Variants in TTN observed in about 807,000 individuals in gnomAD.
TTN encodes the protein connectin.
In TTN, 1,525 loss-of-function variants were observed where a neutral mutation model predicts 3,223.0. That is an observed-to-expected ratio of 0.47 (90% CI 0.45 to 0.49). The LOEUF is 0.49. Among genes scored for constraint, TTN ranks in the 20% least tolerant of loss-of-function variants. The probability of loss-of-function intolerance (pLI) is 0.00; values close to 1 mark genes in which losing one functional copy is unlikely to be tolerated. For missense variants in TTN, 40,786 were observed against 43,424.0 expected (o/e 0.94, Z 5.40); for synonymous variants, 14,094 against 15,161.0 (o/e 0.93, Z 5.17).
rs1561421551 is a variant in TTN, at chr2:178,789,411, A to G, written c.2025T>C (p.Thr675=). Residue 675 remains threonine (T), a synonymous_variant, in exon 13 of 363, where the codon ACT becomes ACC. Transcript: ENST00000589042. The stretch of plus-strand genomic sequence containing the variant: ...CTTGTCTAGTAGCCATAGTTTCTCT[A>G]GTTCTCAGTATTGTTTCTTGTTCTT... ...KAKEQETILR[T]RETMATRQEQ... is the part of the protein sequence containing the mutation. 1 of 1,613,542 alleles carries G rather than the reference A, an allele frequency of 6.2e-7. No individual in the cohort carries two copies. Among genetic ancestry groups the G allele is most frequent in the Non-Finnish European group, 8.5e-7 (1 of 1,179,572 alleles).
rs771621337 is a variant in TTN, at chr2:178,549,398, G to C, written c.92228C>G (p.Pro30743Arg). ...GNSITLTWAR[P>R]ESDGGSEIQQ... is the part of the protein sequence containing the mutation. ...AATTTCACTGCCACCATCTGATTCT[G>C]GCCTTGCCCATGTCAGGGTAATGCT... is the stretch of plus-strand genomic sequence containing the variant. Residue 30743 changes from proline (P) to arginine (R), a missense_variant, in exon 339 of 363, where the codon CCA becomes CGA. Physicochemically the swap from Pro to Arg is moderately radical, Grantham distance 103. Transcript: ENST00000589042. The C allele has an allele frequency of 1.2e-6, 2 of 1,613,658 alleles. No individual in the cohort carries two copies. Among genetic ancestry groups the C allele is most frequent in the Middle Eastern group, 1.7e-4 (1 of 6,058 alleles).
rs762907912 is a variant in TTN, at chr2:178,739,218, T to C, written c.14015A>G (p.Gln4672Arg). ...VIDKVNTEDH[Q>R]GEYVCEALND... ...CAAGGCCTCACAGACATACTCTCCTTGATGGTCTTCGGTATTTACTTTGTC... is the reference window on the plus strand; with the variant it reads ...CAAGGCCTCACAGACATACTCTCCTCGATGGTCTTCGGTATTTACTTTGTC... The change falls in exon 48 of 363, where the codon CAA (glutamine) becomes CGA (arginine). Residue 4672 changes from glutamine to arginine, a missense_variant. Coordinates refer to ENST00000589042, the MANE Select transcript of TTN (RefSeq NM_001267550.2). 3 of 1,572,182 alleles carry C rather than the reference T, an allele frequency of 1.9e-6. No individual in the cohort carries two copies. The highest frequency in any genetic ancestry group is 2.6e-6 in the Non-Finnish European group (3 of 1,156,278).
rs2056373790 is a variant in TTN at position 178,611,761 on chromosome 2, T to C, written c.50548A>G (p.Thr16850Ala). ...GTGTATAATCAGCACTACTTACTTG[T>C]TGGATCTTCAATGGATAGGATTTCT... ...PTEILSIEDP[T>A]SPPSPPLDLH... is the part of the protein sequence containing the mutation. Residue 16850 changes from threonine (T) to alanine (A), a missense_variant, in exon 268 of 363, where the codon ACA becomes GCA. Coordinates refer to ENST00000589042, the MANE Select transcript of TTN (RefSeq NM_001267550.2). The C allele has an allele frequency of 6.2e-7, 1 of 1,611,636 alleles. No homozygotes were observed. Among genetic ancestry groups the C allele is most frequent in the Non-Finnish European group, 8.5e-7 (1 of 1,178,806 alleles).
intron 330 of TTN, chr2:178,555,832 T>G (rs905565469): frequency 2.0e-5 from 3 of 152,292 alleles, no homozygotes; most frequent in Non-Finnish European, 2.9e-5. Context: ...ATCTTTTAGG[T>G]AAAGTGTCAC....
chr2:178,714,353 G>A lies in TTN; in HGVS notation c.26421C>T (p.Tyr8807=). The part of the protein sequence containing the change: ...SRVEPANAGK[Y]TCQIKNDAGM... ...CAGCATCGTTTTTGATCTGACAAGT[G>A]TATTTTCCAGCATTGGCTGGTTCCA... Residue 8807 remains tyrosine (Y), a synonymous_variant, in exon 91 of 363, where the codon TAC becomes TAT. Coordinates refer to ENST00000589042, the MANE Select transcript of TTN (RefSeq NM_001267550.2). 1.2e-6 allele frequency: 2 copies of A among 1,613,786 alleles called. No individual in the cohort carries two copies. The highest frequency in any genetic ancestry group is 1.7e-6 in the Non-Finnish European group (2 of 1,179,746).
chr2:178,622,556 G>A (rs1044829749), intron 243 of TTN, 114 bp downstream of exon 243: 42 of 745,166 alleles, frequency 5.6e-5, no homozygotes, highest in Non-Finnish European at 8.7e-5. Context: ...ATCTTTAAAA[G>A]TAAAGTGGTG....
Position 178,566,661 on chromosome 2 carries a change from G to T in TTN, c.79471C>A (p.Pro26491Thr). 1 of 1,613,048 alleles carries T rather than the reference G, an allele frequency of 6.2e-7. No homozygotes were observed. The change falls in exon 326 of 363, where the codon CCT becomes ACT. Residue 26491 changes from proline to threonine, a missense_variant. Physicochemically the swap from Pro to Thr is conservative, Grantham distance 38 (BLOSUM62 -1). Coordinates refer to ENST00000589042, the MANE Select transcript of TTN (RefSeq NM_001267550.2). ...ACDPVFKPGP[P>T]TNAHIVDTTK... ...GTGTCTACAATGTGTGCATTGGTAGGTGGGCCAGGTTTGAACACAGGATCA... is the reference window on the plus strand; with the variant it reads ...GTGTCTACAATGTGTGCATTGGTAGTTGGGCCAGGTTTGAACACAGGATCA...
intron 47 of TTN, chr2:178,744,741 T>C: frequency 1.0e-6 from 1 of 984,812 alleles, no homozygotes; most frequent in Non-Finnish European, 1.2e-6. Context: ...TTAAAATCTA[T>C]ATGTAAACAC....
chr2:178,718,381 C>T lies in TTN; in HGVS notation c.24725G>A (p.Ser8242Asn). ...ACCAGCCTCATTTTCTATCAGGCAG[C>T]TGTACTGTGCATAATCCTCTATTGT... is the stretch of plus-strand genomic sequence containing the variant. ...ESTIEDYAQY[S>N]CLIENEAGQD... is the part of the protein sequence containing the mutation. Residue 8242 changes from serine to asparagine, a missense_variant, in exon 85 of 363, where the codon AGC becomes AAC. Physicochemically the swap from Ser to Asn is conservative, Grantham distance 46 (BLOSUM62 1). Coordinates refer to ENST00000589042, the MANE Select transcript of TTN (RefSeq NM_001267550.2). The T allele has an allele frequency of 6.2e-7, 1 of 1,613,786 alleles. No homozygotes were observed. Among genetic ancestry groups the T allele is most frequent in the African/African-American group, 1.3e-5 (1 of 75,038 alleles).
chr2:178,735,051 A>G (rs749081796), intron 50 of TTN, 63 bp from the exon 51 acceptor site: 400 of 1,457,002 alleles, frequency 2.7e-4, no homozygotes, highest in Non-Finnish European at 3.5e-4. Flanking sequence ...CCGCAAAAGA[A>G]AAGTAGACAT....
In TTN at chr2:178,532,551, C is replaced by T; in HGVS notation, c.104064G>A (p.Glu34688=). 1 of 1,613,966 alleles carries T rather than the reference C, an allele frequency of 6.2e-7. No homozygotes were observed. Among genetic ancestry groups the T allele is most frequent in the Non-Finnish European group, 8.5e-7 (1 of 1,179,876 alleles). The change falls in exon 358 of 363, where the codon GAG becomes GAA. Residue 34688 remains glutamate, a synonymous_variant. Transcript: ENST00000589042. ...TTGGGGGTGAAGCTGAAAAACCTAA[C>T]TCAAGCTCTTCTTCAAGACGCAGCC... is the stretch of plus-strand genomic sequence containing the variant. ...EERLRLEEEL[E]LGFSASPPSR...
rs752508699 is a variant in TTN at position 178,607,413 on chromosome 2, C to A, written c.53275G>T (p.Val17759Leu). The A allele has an allele frequency of 6.2e-7, 1 of 1,613,102 alleles. No individual in the cohort carries two copies. Among genetic ancestry groups the A allele is most frequent in the South Asian group, 1.1e-5 (1 of 91,064 alleles). The stretch of plus-strand genomic sequence containing the variant: ...CAACATTCCTTACCAAAAACTTCTA[C>A]CCTGGCTGCTGCAAATTTGGAACCA... ...SCGSKFAAAR[V>L]EVFDVPGPVL... is the part of the protein sequence containing the mutation. The change falls in exon 277 of 363, where the codon GTA (valine) becomes TTA (leucine). Residue 17759 changes from valine (V) to leucine (L), a missense_variant. Transcript: ENST00000589042.
In TTN at chr2:178,775,983, C is replaced by A; in HGVS notation, c.5881G>T (p.Val1961Leu). The change falls in exon 28 of 363, where the codon GTA (valine) becomes TTA (leucine). Residue 1961 changes from valine (V) to leucine (L), a missense_variant. Coordinates refer to ENST00000589042, the MANE Select transcript of TTN (RefSeq NM_001267550.2). Reference protein sequence around the residue: ...VHEPGKLQFEVQKVDRPVDTT... With the variant: ...VHEPGKLQFELQKVDRPVDTT... Reference sequence around the variant, plus strand: ...TCAACAGGTCTATCCACTTTTTGTACTTCAAACTGAAGCTTTCCTGGTTCA... The same window carrying A: ...TCAACAGGTCTATCCACTTTTTGTAATTCAAACTGAAGCTTTCCTGGTTCA... 6.2e-7 allele frequency: 1 copy of A among 1,614,148 alleles called. No homozygotes were observed. The highest frequency in any genetic ancestry group is 1.1e-5 in the South Asian group (1 of 91,076).
chr2:178,688,048 AT>A, intron 127 of TTN, 62 bp downstream of exon 127: 1 of 1,388,842 alleles, frequency 7.2e-7, no homozygotes, highest in Non-Finnish European at 1.0e-6. Context: ...TCTGTAGACA[AT>A]TTGTGAAAGA....
At chr2:178,583,950 A>G in intron 311 of TTN, 44 bp from the exon 312 acceptor site, 1 of 1,456,454 alleles carries the variant, frequency 6.9e-7, no homozygotes, top group Non-Finnish European at 9.1e-7. Flanking sequence ...TTACCAGCAG[A>G]AGTTTAAACT....
At chr2:178,606,553 A>T (rs1444922656) in intron 278 of TTN, among the ~76,000 whole-genome samples, 1 of 151,736 alleles carries the variant, frequency 6.6e-6, no homozygotes, top group Non-Finnish European at 1.5e-5. Flanking sequence ...TATTCTTTGG[A>T]GGCTGTTTCT....
At position 178,567,977 on chromosome 2, in the gene TTN, G is replaced by A. The variant is rs1706569332; in HGVS notation, c.78155C>T (p.Ala26052Val). The change falls in exon 326 of 363, where the codon GCA becomes GTA. Residue 26052 changes from alanine (A) to valine (V), a missense_variant. Coordinates refer to ENST00000589042, the MANE Select transcript of TTN (RefSeq NM_001267550.2). ...KTIIHDTQFK[A>V]QNLEEGIEYE... is the part of the protein sequence containing the mutation. ...TTCAATGCCTTCTTCAAGATTCTGT[G>A]CTTTGAATTGGGTGTCATGAATAAT... is the stretch of plus-strand genomic sequence containing the variant. The A allele has an allele frequency of 1.2e-6, 2 of 1,613,504 alleles. No homozygotes were observed. The highest frequency in any genetic ancestry group is 4.5e-5 in the East Asian group (2 of 44,816).
rs2093655521 is a variant in TTN, at chr2:178,794,253, T to G, written c.1398+146A>C. On this transcript the variant is annotated intron_variant, in intron 8 of 362. Coordinates refer to ENST00000589042, the MANE Select transcript of TTN (RefSeq NM_001267550.2). Reference sequence around the variant, plus strand: ...TCCGACCACCTTTTGCTCAGAAAGTTCTAAAAGTCTGGGCCCTGCTGGGCT... The same window carrying G: ...TCCGACCACCTTTTGCTCAGAAAGTGCTAAAAGTCTGGGCCCTGCTGGGCT... 2.4e-6 allele frequency: 3 copies of G among 1,226,956 alleles called. No individual in the cohort carries two copies. The South Asian group carries it at 3.6e-5, about 15-fold the overall frequency. 76.0% of individuals were successfully genotyped at this position (1,226,956 alleles called of 1,614,324 possible). A position where few individuals can be genotyped will look rare whatever the true frequency, so the allele number is the denominator to read the frequency against.
intron 20 of TTN, 78 bp from the exon 21 acceptor site, chr2:178,781,341 A>G (rs1303038788): frequency 6.6e-7 from 1 of 1,520,578 alleles, no homozygotes; most frequent in Non-Finnish European, 9.0e-7. Context: ...CTTATCTGTG[A>G]GTGGATCTGT....
Sources: allele counts gnomAD v4.1 joint callset (sites outside exome capture counted in the v4.1 genomes callset), GRCh38; gene constraint gnomAD v4.1.1; transcripts MANE v1.5; gene names NCBI Gene and HGNC (gene_info 2026-07-23, HGNC 2026-07-21).